The following RASGRP3 variants were observed in gnomAD, a reference collection of about 807,000 sequenced individuals.
RASGRP3 encodes ras guanyl-releasing protein 3.
RASGRP3 carries 54 observed loss-of-function variants against 82.7 expected under a neutral mutation model. That is an observed-to-expected ratio of 0.65 (90% CI 0.52 to 0.82). The LOEUF (loss-of-function observed/expected upper bound fraction) is 0.82, where lower values mean the gene tolerates loss of function less well. Ranked by LOEUF, RASGRP3 falls within the 40% of genes least tolerant of loss-of-function variation. The probability of loss-of-function intolerance (pLI) is 0.00; values close to 1 mark genes in which losing one functional copy is unlikely to be tolerated. For synonymous variants in RASGRP3, 309 were observed against 300.5 expected (o/e 1.03, Z -0.29); for missense variants, 861 against 828.9 (o/e 1.04, Z -0.48).
intron 8 of RASGRP3, 143 bp downstream of exon 8, chr2:33,524,195 A>G (rs1204425768): frequency 5.5e-6 from 6 of 1,089,726 alleles, no homozygotes; most frequent in Non-Finnish European, 6.6e-6. Context: ...AACAAATCGT[A>G]TTTTTGTCAT....
At chr2:33,495,937 T>A (rs1669265836) in intron 1 of RASGRP3, among the ~76,000 whole-genome samples, 1 of 152,180 alleles carries the variant, frequency 6.6e-6, no homozygotes. Context: ...TGTTGCCTCA[T>A]GGGGATGCAG....
At chr2:33,550,442 C>T (rs986579236) in intron 14 of RASGRP3, among the ~76,000 whole-genome samples, 3 of 152,184 alleles carry the variant, frequency 2.0e-5, no homozygotes, top group African/African-American at 4.8e-5. Context: ...TGTGCTTCAC[C>T]TACACCACTG....
chr2:33,474,573 G>C (rs1004052704), upstream of RASGRP3, among the ~76,000 whole-genome samples: 3 of 152,156 alleles, frequency 2.0e-5, no homozygotes, highest in African/African-American at 7.2e-5. Context: ...AAAGTGCTGG[G>C]ATTATAGGCA....
At chr2:33,448,282 A>G (rs968706110) in intron 2 of RASGRP3, among the ~76,000 whole-genome samples, 6 of 152,174 alleles carry the variant, frequency 3.9e-5, no homozygotes, top group African/African-American at 1.2e-4. Flanking sequence ...TCTTCTCTCA[A>G]CAACCTAATT....
intron 2 of RASGRP3, among the ~76,000 whole-genome samples, chr2:33,465,175 A>C (rs1666621126): frequency 6.6e-6 from 1 of 152,256 alleles, no homozygotes; most frequent in Non-Finnish European, 1.5e-5. Context: ...CATGAATGAC[A>C]AGAAAGCAAA....
chr2:33,507,256 A>T (rs1317437345), intron 1 of RASGRP3, among the ~76,000 whole-genome samples: 1 of 152,076 alleles, frequency 6.6e-6, no homozygotes. Context: ...TTAGCTGGGC[A>T]TGATGGTGCG....
chr2:33,549,739 C>T lies in RASGRP3; in HGVS notation c.1530C>T (p.His510=). 6.2e-7 allele frequency: 1 copy of T among 1,613,702 alleles called. No homozygotes were observed. The highest frequency in any genetic ancestry group is 1.7e-5 in the Admixed American group (1 of 59,950). The change falls in exon 14 of 18, where the codon CAC becomes CAT. Residue 510 remains histidine (H), a synonymous_variant. Coordinates refer to ENST00000403687, the MANE Select transcript of RASGRP3 (RefSeq NM_001139488.2). ...ATCTCAAGCCAACCTTCTGCGAACA[C>T]TGTGCGGGATTTGTAAGTCTGTTTT... ...MTYLKPTFCE[H]CAGFLWGIIK...
chr2:33,523,958 A>G lies in RASGRP3; in HGVS notation c.596A>G (p.Asn199Ser). The G allele has an allele frequency of 6.2e-7, 1 of 1,613,964 alleles. No individual in the cohort carries two copies. Among genetic ancestry groups the G allele is most frequent in the Non-Finnish European group, 8.5e-7 (1 of 1,179,858 alleles). Residue 199 changes from asparagine to serine, a missense_variant, in exon 8 of 18, where the codon AAT (asparagine) becomes AGT (serine). Transcript: ENST00000403687. Reference sequence around the variant, plus strand: ...TTGGAAAGATCGATTGCTTTATTTAATGGAATCTCTAAGTGGGTCCAGTTG... The same window carrying G: ...TTGGAAAGATCGATTGCTTTATTTAGTGGAATCTCTAAGTGGGTCCAGTTG... Reference protein sequence around the residue: ...PTLERSIALFNGISKWVQLMV... With the variant: ...PTLERSIALFSGISKWVQLMV...
rs912776464 is a variant in RASGRP3, at chr2:33,541,057, G to A, written c.1278+1847G>A. 4.8e-5 allele frequency among the ~76,000 whole-genome samples: 7 copies of A among 146,746 alleles called. 1 individual carries two copies. The highest frequency in any genetic ancestry group is 1.1e-4 in the Non-Finnish European group (7 of 65,620). On this transcript the variant is annotated intron_variant, in intron 12 of 17. Coordinates refer to ENST00000403687, the MANE Select transcript of RASGRP3 (RefSeq NM_001139488.2). The stretch of plus-strand genomic sequence containing the variant: ...CTACTGGGAATTAATTAAAACTGGA[G>A]ATTAATTAAAACTGGAATCAAAATC...
At chr2:33,525,422 T>C (rs962361542) in intron 9 of RASGRP3, among the ~76,000 whole-genome samples, 1 of 152,010 alleles carries the variant, frequency 6.6e-6, no homozygotes, top group African/African-American at 2.4e-5. Flanking sequence ...ACATGATAGT[T>C]GTTTTTCTTC....
intron 1 of RASGRP3, among the ~76,000 whole-genome samples, chr2:33,505,464 G>A (rs976549156): frequency 3.3e-5 from 5 of 151,990 alleles, no homozygotes; most frequent in South Asian, 4.2e-4. Context: ...CACCACTCCC[G>A]GCTAATTTTG....
At chr2:33,450,818 CTTTCTT>C (rs1665748702) in intron 2 of RASGRP3, among the ~76,000 whole-genome samples, 31 of 43,392 alleles carry the variant, frequency 7.1e-4, no homozygotes, top group African/African-American at 1.8e-3. Flanking sequence ...CTCTTTCTTT[CTTTCTT>C]TTTTTTTTTT....
intron 1 of RASGRP3, among the ~76,000 whole-genome samples, chr2:33,511,278 T>A (rs1211938836): frequency 6.6e-6 from 1 of 152,176 alleles, no homozygotes; most frequent in Non-Finnish European, 1.5e-5. Context: ...CAACCTGCTC[T>A]AAAATAACAT....
At chr2:33,514,426 T>C (rs1215839949) in intron 2 of RASGRP3, among the ~76,000 whole-genome samples, 3 of 136,886 alleles carry the variant, frequency 2.2e-5, no homozygotes, top group Non-Finnish European at 4.5e-5. Flanking sequence ...CCTAGCACTT[T>C]GAAAGGCTGA....
At chr2:33,504,282 G>T (rs948410863) in intron 1 of RASGRP3, among the ~76,000 whole-genome samples, 2 of 151,872 alleles carry the variant, frequency 1.3e-5, no homozygotes, top group Admixed American at 1.3e-4. Context: ...ATCTCCTTGG[G>T]TGGAATTTGG....
chr2:33,502,195 C>T (rs1273685448), intron 1 of RASGRP3, among the ~76,000 whole-genome samples: 2 of 152,004 alleles, frequency 1.3e-5, no homozygotes, highest in African/African-American at 4.8e-5. Flanking sequence ...AGGGGAGTTA[C>T]AAGCTAGAGG....
In RASGRP3 at chr2:33,464,779, G is replaced by A. The variant is rs1052804026; in HGVS notation, c.-261+16836G>A. On this transcript the variant is annotated intron_variant, in intron 2 of 18. Transcript: ENST00000402538. ...AGCCACCATACCCAGCCTGTGATCT[G>A]TGATCTTTGATGTTACTATTGTAAG... 1.1e-4 allele frequency among the ~76,000 whole-genome samples: 17 copies of A among 152,152 alleles called. 1 individual carries two copies. The highest frequency in any genetic ancestry group is 4.1e-4 in the South Asian group (2 of 4,826).
At chr2:33,542,925 T>G (rs1023779878) in intron 12 of RASGRP3, among the ~76,000 whole-genome samples, 4 of 152,188 alleles carry the variant, frequency 2.6e-5, no homozygotes, top group African/African-American at 9.6e-5. Flanking sequence ...ATTCCTGACC[T>G]CAGGTGATCC....
intron 10 of RASGRP3, among the ~76,000 whole-genome samples, chr2:33,530,274 A>G (rs1672983637): frequency 6.6e-6 from 1 of 152,156 alleles, no homozygotes; most frequent in Admixed American, 6.5e-5. Flanking sequence ...CCTGTATATG[A>G]TGGACAGCCC....
Sources: gnomAD v4.1 joint callset for allele counts (sites outside exome capture counted in the v4.1 genomes callset) on GRCh38, gnomAD v4.1.1 for gene constraint, MANE v1.5 for transcripts, NCBI Gene and HGNC (gene_info 2026-07-23, HGNC 2026-07-21) for gene names.